The following DKK4 variants were observed in gnomAD, a reference collection of about 807,000 sequenced individuals.
The protein encoded by DKK4 is dickkopf Wnt signaling pathway inhibitor 4, also known as dickkopf-related protein 4.
Under a neutral mutation model 14.5 loss-of-function variants are expected in DKK4, and 15 were observed. The observed-to-expected ratio is 1.03, with a 90% CI of 0.69 to 1.59. The LOEUF is 1.59. Among genes scored for constraint, DKK4 ranks in the 40% most tolerant of loss-of-function variants. DKK4 has a pLI of 0.00. For synonymous variants in DKK4, 89 were observed against 105.2 expected (o/e 0.85, Z 0.94); for missense variants, 272 against 280.3 (o/e 0.97, Z 0.21).
upstream of DKK4, among the ~76,000 whole-genome samples, chr8:42,380,596 G>C (rs1035281529): frequency 4.1e-5 from 6 of 146,694 alleles, no homozygotes; most frequent in Non-Finnish European, 9.0e-5. Flanking sequence ...AGGAAGGAGA[G>C]AGAAGGGAAG....
chr8:42,379,797 G>A (rs1347002683), upstream of DKK4, among the ~76,000 whole-genome samples: 1 of 152,118 alleles, frequency 6.6e-6, no homozygotes, highest in Non-Finnish European at 1.5e-5. Context: ...TTGTGTGGCT[G>A]CGGCAGATGA....
chr8:42,384,909 C>T, the DKK4 span, among the ~76,000 whole-genome samples: 7 of 151,950 alleles, frequency 4.6e-5, no homozygotes, highest in East Asian at 3.9e-4. Context: ...TTTCCAATTA[C>T]GACTCTGGTT....
chr8:42,390,388 G>C, the DKK4 span, among the ~76,000 whole-genome samples: 187 of 135,200 alleles, frequency 1.4e-3, 1 homozygote, highest in South Asian at 0.013. Context: ...TTTTGAGACG[G>C]AGTCTCGCTC....
rs200145070 is a variant in DKK4, at chr8:42,375,656, C to G, written c.262+24G>C. ...TAGACACTACCTTCGGTTTAAAAAC[C>G]ACTGTTGGCGTTATGTCGCTCACCG... On this transcript the variant is annotated intron_variant, in intron 2 of 3. Coordinates refer to ENST00000220812, the MANE Select transcript of DKK4 (RefSeq NM_014420.3). 3.1e-4 allele frequency: 493 copies of G among 1,612,172 alleles called. 1 individual carries two copies. Among genetic ancestry groups the G allele is most frequent in the Non-Finnish European group, 4.0e-4 (468 of 1,179,810 alleles).
At chr8:42,379,480 G>C (rs938658242), upstream of DKK4, among the ~76,000 whole-genome samples, 11 of 147,716 alleles carry the variant, frequency 7.4e-5, no homozygotes, top group African/African-American at 2.0e-4. Context: ...GGGTGACACA[G>C]AGAGAGAGAG....
chr8:42,380,782 G>C (rs140275064), upstream of DKK4, among the ~76,000 whole-genome samples: 3 of 132,662 alleles, frequency 2.3e-5, no homozygotes, highest in Non-Finnish European at 4.7e-5. Context: ...AAGAATGTGA[G>C]AGAAAGGAAG....
At chr8:42,376,644 G>T (rs1369405779) in intron 1 of DKK4, among the ~76,000 whole-genome samples, 1 of 152,100 alleles carries the variant, frequency 6.6e-6, no homozygotes, top group African/African-American at 2.4e-5. Context: ...AGTACATGAC[G>T]TATTACATGT....
chr8:42,374,262 CA>C lies in DKK4; in HGVS notation c.512del (p.Leu171TrpfsTer36). 6.2e-7 allele frequency: 1 copy of C among 1,612,076 alleles called. No individual in the cohort carries two copies. The highest frequency in any genetic ancestry group is 8.5e-7 in the Non-Finnish European group (1 of 1,178,970). On this transcript the variant is annotated frameshift_variant, in exon 4 of 4. Transcript: ENST00000220812. LOFTEE classifies it low-confidence loss of function (END_TRUNC). ...FWTKICKPVL[L>X]EGQVCSRRGH... is the part of the protein sequence containing the mutation. ...CTCTTCTGGAGCAGACCTGTCCCTC[CA>C]AAAGGACTGGCTTACAAATTTTCGT... is the stretch of plus-strand genomic sequence containing the variant.
At position 42,376,942 on chromosome 8, in the gene DKK4, G is replaced by T; in HGVS notation, c.104C>A (p.Ala35Asp). 6.2e-7 allele frequency: 1 copy of T among 1,613,470 alleles called. No homozygotes were observed. The highest frequency in any genetic ancestry group is 8.5e-7 in the Non-Finnish European group (1 of 1,179,902). ...NIRSSADLHG[A>D]RKGSQCLSDT... ...CCTCCCTAGCAGCCTTACCTTCCGG[G>T]CCCCATGCAGGTCAGCAGAGCTCCT... The change falls in exon 1 of 4, where the codon GCC (alanine) becomes GAC (aspartate). Residue 35 changes from alanine (A) to aspartate (D), a missense_variant. Coordinates refer to ENST00000220812, the MANE Select transcript of DKK4 (RefSeq NM_014420.3).
intron 1 of DKK4, 72 bp downstream of exon 1, chr8:42,376,863 T>C (rs1009041546): frequency 9.6e-6 from 12 of 1,247,446 alleles, no homozygotes; most frequent in Non-Finnish European, 1.4e-5. Flanking sequence ...TCAGAATGAC[T>C]TACTAAAGCC....
intron 2 of DKK4, among the ~76,000 whole-genome samples, chr8:42,375,243 T>G (rs1168396714): frequency 6.6e-6 from 1 of 152,166 alleles, no homozygotes; most frequent in East Asian, 1.9e-4. Context: ...TTATTTTGTT[T>G]CATTAAGAAA....
chr8:42,379,368 TATATATATATAG>T (rs1824622847), upstream of DKK4, among the ~76,000 whole-genome samples: 1 of 49,502 alleles, frequency 2.0e-5, no homozygotes, highest in Admixed American at 2.2e-4. Flanking sequence ...TATATATATA[TATATATATATAG>T]AGAGAGAGAG....
chr8:42,387,388 A>G, the DKK4 span, among the ~76,000 whole-genome samples: 1 of 93,202 alleles, frequency 1.1e-5, no homozygotes. Flanking sequence ...ATGGAGTTTC[A>G]CTCTTGTTGC....
At chr8:42,385,457 C>T in the DKK4 span, among the ~76,000 whole-genome samples, 1 of 152,112 alleles carries the variant, frequency 6.6e-6, no homozygotes, top group Non-Finnish European at 1.5e-5. Flanking sequence ...AGAAAGTCCT[C>T]AGACACAGCT....
chr8:42,382,639 G>A, the DKK4 span, among the ~76,000 whole-genome samples: 28 of 152,202 alleles, frequency 1.8e-4, no homozygotes, highest in Non-Finnish European at 3.8e-4. Context: ...CAGAACAAAG[G>A]AAGCCGTCGT....
rs1393792579 is a variant in DKK4 at position 42,377,188 on chromosome 8, C to G, written c.-143G>C. The G allele has an allele frequency of 1.5e-6, 1 of 665,234 alleles. No homozygotes were observed. The highest frequency in any genetic ancestry group is 2.5e-6 in the Non-Finnish European group (1 of 393,506). The allele number at this position is 665,234 out of a possible 1,614,324, so 41.2% of individuals were successfully genotyped here. A position where few individuals can be genotyped will look rare whatever the true frequency, so the allele number is the denominator to read the frequency against. On this transcript the variant is annotated 5_prime_UTR_variant, in exon 1 of 4. Coordinates refer to ENST00000220812, the MANE Select transcript of DKK4 (RefSeq NM_014420.3). ...ACTGCTTTTTCTGAAAGAAGTAAAC[C>G]TTAGTCTGAGTAAGGTGCGTGAAAT...
At chr8:42,390,358 C>CTTTTTTT in the DKK4 span, among the ~76,000 whole-genome samples, 6 of 99,474 alleles carry the variant, frequency 6.0e-5, no homozygotes, top group African/African-American at 9.4e-5. Context: ...CTTTTGCTTC[C>CTTTTTTT]TTTTTTTTTT....
chr8:42,381,067 T>C (rs768273571), upstream of DKK4, among the ~76,000 whole-genome samples: 2 of 152,040 alleles, frequency 1.3e-5, no homozygotes, highest in Non-Finnish European at 2.9e-5. Flanking sequence ...TGGGGGCCAC[T>C]TAGGACTCAG....
chr8:42,375,790 T>G lies in DKK4; in HGVS notation c.152A>C (p.Lys51Thr), dbSNP rs372008071. 31 of 1,613,982 alleles carry G rather than the reference T, an allele frequency of 1.9e-5. No homozygotes were observed. Among genetic ancestry groups the G allele is most frequent in the Non-Finnish European group, 2.6e-5 (31 of 1,180,024 alleles). ...CLSDTDCNTR[K>T]FCLQPRDEKP... ...CTCATCGCGGGGCTGGAGGCAGAAC[T>G]TTCTGGTATTGCAGTCCGTGTCAGA... The change falls in exon 2 of 4, where the codon AAG becomes ACG. Residue 51 changes from lysine to threonine, a missense_variant. Lys to Thr is a moderately conservative substitution (Grantham distance 78). Coordinates refer to ENST00000220812, the MANE Select transcript of DKK4 (RefSeq NM_014420.3).
Sources: allele counts gnomAD v4.1 joint callset (sites outside exome capture counted in the v4.1 genomes callset), GRCh38; gene constraint gnomAD v4.1.1; transcripts MANE v1.5; gene names NCBI Gene and HGNC (gene_info 2026-07-23, HGNC 2026-07-21).